KCNQ3: variants seen among roughly 807,000 people sequenced by gnomAD.
The protein encoded by KCNQ3 is potassium voltage-gated channel subfamily KQT member 3.
Under a neutral mutation model 92.5 loss-of-function variants are expected in KCNQ3, and 30 were observed. That is an observed-to-expected ratio of 0.32 (90% CI 0.24 to 0.44). The LOEUF (loss-of-function observed/expected upper bound fraction) is 0.44. KCNQ3 is among the 20% of genes least tolerant of loss of function. The probability of loss-of-function intolerance (pLI) is 1.00; values close to 1 mark genes in which losing one functional copy is unlikely to be tolerated. For missense variants in KCNQ3, 913 were observed against 1,140.3 expected, an observed-to-expected ratio of 0.80 and a Z score of 2.87; for synonymous variants, 450 against 468.8, an observed-to-expected ratio of 0.96 and a Z score of 0.52.
At chr8:132,413,583 G>A (rs922935459) in intron 1 of KCNQ3, among the ~76,000 whole-genome samples, 1 of 152,154 alleles carries the variant, frequency 6.6e-6, no homozygotes, top group Non-Finnish European at 1.5e-5. Flanking sequence ...GAATCCGAGA[G>A]GAATGAAATG....
intron 1 of KCNQ3, among the ~76,000 whole-genome samples, chr8:132,442,762 C>A (rs1305865360): frequency 1.3e-5 from 2 of 152,218 alleles, no homozygotes; most frequent in Non-Finnish European, 2.9e-5. Context: ...TCCCACAGTG[C>A]TCAAAGCATT....
Position 132,480,327 on chromosome 8 carries a change from A to G in KCNQ3, c.206T>C (p.Leu69Pro), listed in dbSNP as rs763182139. 2 of 1,600,604 alleles carry G rather than the reference A, an allele frequency of 1.2e-6. No individual in the cohort carries two copies. The highest frequency in any genetic ancestry group is 1.7e-6 in the Non-Finnish European group (2 of 1,175,162). The change falls in exon 1 of 15, where the codon CTG becomes CCG. Residue 69 changes from leucine (L) to proline (P), a missense_variant. Physicochemically the swap from Leu to Pro is moderately conservative, Grantham distance 98. Coordinates refer to ENST00000388996, the MANE Select transcript of KCNQ3 (RefSeq NM_004519.4). ...AGADKDGTLL[L>P]EGGGRDEGQR... Reference sequence around the variant, plus strand: ...CCCCTCGTCGCGGCCGCCGCCCTCCAGCAGCAGGGTCCCGTCTTTGTCGGC... The same window carrying G: ...CCCCTCGTCGCGGCCGCCGCCCTCCGGCAGCAGGGTCCCGTCTTTGTCGGC...
At chr8:132,411,653 C>T (rs112712228) in intron 1 of KCNQ3, among the ~76,000 whole-genome samples, 3 of 152,270 alleles carry the variant, frequency 2.0e-5, no homozygotes, top group African/African-American at 7.2e-5. Flanking sequence ...ACACACACAA[C>T]ACACACAAGG....
intron 1 of KCNQ3, among the ~76,000 whole-genome samples, chr8:132,250,417 T>C (rs1392338404): frequency 1.3e-5 from 2 of 152,198 alleles, no homozygotes; most frequent in African/African-American, 4.8e-5. Flanking sequence ...CTTCTATAAA[T>C]GGGACATGTA....
At chr8:132,394,226 C>T (rs1820131645) in intron 1 of KCNQ3, among the ~76,000 whole-genome samples, 1 of 152,154 alleles carries the variant, frequency 6.6e-6, no homozygotes, top group East Asian at 1.9e-4. Context: ...GACAGGTGTC[C>T]ACAGAAATGC....
chr8:132,391,157 G>T (rs1250573465), intron 1 of KCNQ3, among the ~76,000 whole-genome samples: 1 of 152,162 alleles, frequency 6.6e-6, no homozygotes, highest in Admixed American at 6.5e-5. Flanking sequence ...TGCTGATAGT[G>T]CCTAGAGCAT....
chr8:132,461,610 T>G (rs993904495), intron 1 of KCNQ3, among the ~76,000 whole-genome samples: 5 of 152,096 alleles, frequency 3.3e-5, no homozygotes, highest in Non-Finnish European at 7.4e-5. Flanking sequence ...CCTTCCAGGG[T>G]GCCTGTACCA....
At chr8:132,200,408 C>T (rs1827423376) in intron 1 of KCNQ3, among the ~76,000 whole-genome samples, 1 of 151,174 alleles carries the variant, frequency 6.6e-6, no homozygotes, top group South Asian at 2.1e-4. Flanking sequence ...ATAATATTTA[C>T]TACCTTGAGC....
At chr8:132,441,749 A>C (rs910573649) in intron 1 of KCNQ3, among the ~76,000 whole-genome samples, 2 of 152,194 alleles carry the variant, frequency 1.3e-5, no homozygotes, top group African/African-American at 4.8e-5. Context: ...GCAGTGTATA[A>C]GCATTCCTTT....
chr8:132,466,176 C>A, intron 1 of KCNQ3, among the ~76,000 whole-genome samples: 1 of 152,102 alleles, frequency 6.6e-6, no homozygotes, highest in African/African-American at 2.4e-5. Flanking sequence ...TTTACAAATA[C>A]TTTTAATTCA....
intron 1 of KCNQ3, among the ~76,000 whole-genome samples, chr8:132,419,130 A>C (rs1820899245): frequency 1.3e-5 from 2 of 152,196 alleles, no homozygotes; most frequent in Non-Finnish European, 1.5e-5. Context: ...CCAGTCCAAA[A>C]GCCTAATACT....
intron 1 of KCNQ3, among the ~76,000 whole-genome samples, chr8:132,241,867 A>C (rs534490662): frequency 1.3e-5 from 2 of 152,254 alleles, no homozygotes; most frequent in African/African-American, 2.4e-5. Context: ...AAACAAAAAA[A>C]CACTGAGTGG....
intron 1 of KCNQ3, among the ~76,000 whole-genome samples, chr8:132,330,895 C>T (rs181038957): frequency 2.6e-5 from 4 of 152,264 alleles, no homozygotes; most frequent in East Asian, 1.9e-4. Context: ...TGGCAACTGC[C>T]GGGTCTGATG....
At chr8:132,253,620 C>T (rs1312888599) in intron 1 of KCNQ3, among the ~76,000 whole-genome samples, 4 of 152,194 alleles carry the variant, frequency 2.6e-5, no homozygotes, top group Admixed American at 2.6e-4. Flanking sequence ...TTTCCCTCTG[C>T]TTCGTTTTCC....
intron 1 of KCNQ3, among the ~76,000 whole-genome samples, chr8:132,203,047 G>A (rs548415597): frequency 6.6e-6 from 1 of 152,282 alleles, no homozygotes; most frequent in East Asian, 1.9e-4. Context: ...TCCTGTGAGG[G>A]TCTTTTTGCT....
chr8:132,403,937 A>G (rs1185323103), intron 1 of KCNQ3, among the ~76,000 whole-genome samples: 1 of 152,212 alleles, frequency 6.6e-6, no homozygotes, highest in Non-Finnish European at 1.5e-5. Flanking sequence ...AAGGGGCCAG[A>G]GCCATGGGGT....
At chr8:132,146,279 A>T (rs1825444114) in intron 9 of KCNQ3, among the ~76,000 whole-genome samples, 1 of 152,286 alleles carries the variant, frequency 6.6e-6, no homozygotes, top group African/African-American at 2.4e-5. Flanking sequence ...ATGAATGGAC[A>T]TACAACGGGA....
chr8:132,129,094 A>C lies in KCNQ3; in HGVS notation c.*168T>G. 1.5e-6 allele frequency: 1 copy of C among 684,340 alleles called. No individual in the cohort carries two copies. The highest frequency in any genetic ancestry group is 2.5e-6 in the Non-Finnish European group (1 of 400,474). The allele number at this position is 684,340 out of a possible 1,614,324, so 42.4% of individuals were successfully genotyped here. ...AAAGGAAGCACTTTGTTGTGGTGAC[A>C]TGGGGAGGAAGAGGCTGTGGGAAGC... On this transcript the variant is annotated 3_prime_UTR_variant, in exon 15 of 15. Coordinates refer to ENST00000388996, the MANE Select transcript of KCNQ3 (RefSeq NM_004519.4). The surrounding 1 kb of genome is among the most constrained non-coding windows in gnomAD (Gnocchi z 5.9).
intron 1 of KCNQ3, among the ~76,000 whole-genome samples, chr8:132,475,131 T>C (rs1478867491): frequency 4.6e-5 from 7 of 152,196 alleles, no homozygotes; most frequent in Non-Finnish European, 1.0e-4. Context: ...TTCCTGAGAC[T>C]TCCCCAGCCA....
Sources: gnomAD v4.1 joint callset for allele counts (sites outside exome capture counted in the v4.1 genomes callset) on GRCh38, gnomAD v4.1.1 for gene constraint, Gnocchi (gnomAD v3.1) non-coding constraint, MANE v1.5 for transcripts, NCBI Gene and HGNC (gene_info 2026-07-23, HGNC 2026-07-21) for gene names.